Variants in NUP155 observed in about 807,000 individuals in gnomAD.
NUP155 encodes the protein nucleoporin 155.
NUP155 carries 71 observed loss-of-function variants against 180.4 expected under a neutral mutation model. The observed-to-expected ratio is 0.39, with a 90% confidence interval of 0.33 to 0.48. The LOEUF (loss-of-function observed/expected upper bound fraction) is 0.48, where lower values mean the gene tolerates loss of function less well. Among genes scored for constraint, NUP155 ranks in the 20% least tolerant of loss-of-function variants. The pLI, the probability that NUP155 is intolerant of heterozygous loss-of-function variation, is 0.91. For synonymous variants in NUP155, 582 were observed against 559.5 expected (o/e 1.04, Z -0.57); for missense variants, 1,553 against 1,648.9 (o/e 0.94, Z 1.01).
chr5:37,371,073 C>T lies in NUP155; in HGVS notation c.-96G>A. Reference sequence around the variant, plus strand: ...GTTAGCTTAGATCCGCCGCCTAGGGCGCGCGCGCCAAACGAGCGCCTTGGC... The same window carrying T: ...GTTAGCTTAGATCCGCCGCCTAGGGTGCGCGCGCCAAACGAGCGCCTTGGC... On this transcript the variant is annotated 5_prime_UTR_variant, in exon 1 of 35. Transcript: ENST00000231498. The T allele has an allele frequency of 7.3e-7, 1 of 1,366,930 alleles. No homozygotes were observed. The highest frequency in any genetic ancestry group is 2.3e-5 in the East Asian group (1 of 42,668). 84.7% of individuals were successfully genotyped at this position (1,366,930 alleles called of 1,614,324 possible).
intron 3 of NUP155, among the ~76,000 whole-genome samples, chr5:37,361,529 C>T (rs1747223799): frequency 6.6e-6 from 1 of 152,154 alleles, no homozygotes; most frequent in South Asian, 2.1e-4. Context: ...GATTCCCCAT[C>T]CTCTTACATC....
At chr5:37,366,530 C>T (rs1331279317) in intron 1 of NUP155, among the ~76,000 whole-genome samples, 2 of 152,202 alleles carry the variant, frequency 1.3e-5, no homozygotes, top group African/African-American at 4.8e-5. Context: ...CCTCCAATTC[C>T]CTGGTTCAAG....
At chr5:37,305,271 T>G in intron 25 of NUP155, 61 bp from the exon 26 acceptor site, 1 of 1,464,750 alleles carries the variant, frequency 6.8e-7, no homozygotes, top group Non-Finnish European at 9.5e-7. Flanking sequence ...TGATGGTAAG[T>G]GTGGTGACTC....
At chr5:37,323,166 T>C (rs1744359304) in intron 20 of NUP155, among the ~76,000 whole-genome samples, 1 of 150,508 alleles carries the variant, frequency 6.6e-6, no homozygotes, top group African/African-American at 2.5e-5. Context: ...ACATCTGTAA[T>C]CTAAGCTACT....
chr5:37,297,627 G>A (rs549212429), intron 32 of NUP155, among the ~76,000 whole-genome samples: 1 of 151,866 alleles, frequency 6.6e-6, no homozygotes, highest in African/African-American at 2.4e-5. Context: ...CGATCCATCC[G>A]CCTCGGCCTC....
intron 4 of NUP155, among the ~76,000 whole-genome samples, chr5:37,354,992 T>TGAGGCA (rs1336565692): frequency 6.6e-6 from 1 of 151,602 alleles, no homozygotes. Flanking sequence ...CTCGGGAGGC[T>TGAGGCA]GAGGCAGAAG....
chr5:37,361,818 T>G (rs759581595), intron 3 of NUP155, among the ~76,000 whole-genome samples: 2 of 152,218 alleles, frequency 1.3e-5, no homozygotes, highest in East Asian at 1.9e-4. Flanking sequence ...GGATCAAATA[T>G]CTGTGTCCTC....
In NUP155 at chr5:37,288,196, AAG is replaced by A. The variant is rs1742098566; in HGVS notation, c.*3702_*3703del. Reference sequence around the variant, plus strand: ...AAAGAAGACATTAATAGAAAATGAAAAGAAATTGTGAACCCTTTCAAAACCTT... The same window carrying A: ...AAAGAAGACATTAATAGAAAATGAAAAAATTGTGAACCCTTTCAAAACCTT... On this transcript the variant is annotated 3_prime_UTR_variant, in exon 35 of 35. Transcript: ENST00000231498. 6.6e-6 allele frequency: 1 copy of A among 152,228 alleles called. No individual in the cohort carries two copies. Among genetic ancestry groups the A allele is most frequent in the Admixed American group, 6.5e-5 (1 of 15,280 alleles). 9.4% of individuals were successfully genotyped at this position (152,228 alleles called of 1,614,324 possible).
At chr5:37,345,942 G>A (rs1581191907) in intron 9 of NUP155, among the ~76,000 whole-genome samples, 1 of 146,754 alleles carries the variant, frequency 6.8e-6, no homozygotes, top group Admixed American at 6.9e-5. Context: ...ATTAGTTTTT[G>A]TCACATTGTT....
chr5:37,314,233 G>A lies in NUP155; in HGVS notation c.2401C>T (p.His801Tyr), dbSNP rs1175471238. The change falls in exon 22 of 35, where the codon CAT (histidine) becomes TAT (tyrosine). Residue 801 changes from histidine to tyrosine, a missense_variant. Transcript: ENST00000231498. The part of the protein sequence containing the change: ...ALALWKLLCE[H>Y]QFTIIVAELQ... ...TCTGCCACAATGATAGTGAATTGAT[G>A]TTCACAAAGAAGTTTCCATAAAGCC... 2 of 1,609,794 alleles carry A rather than the reference G, an allele frequency of 1.2e-6. No homozygotes were observed. Among genetic ancestry groups the A allele is most frequent in the Non-Finnish European group, 1.7e-6 (2 of 1,176,708 alleles).
rs753537039 is a variant in NUP155 at position 37,364,374 on chromosome 5, G to A, written c.168C>T (p.Thr56=). The A allele has an allele frequency of 4.2e-5, 68 of 1,611,888 alleles. No individual in the cohort carries two copies. Among genetic ancestry groups the A allele is most frequent in the South Asian group, 3.5e-4 (32 of 91,050 alleles). The change falls in exon 2 of 35, where the codon ACC becomes ACT. Residue 56 remains threonine (T), a synonymous_variant. Transcript: ENST00000231498. ...LLMVSAPNNP[T]VSGMSDMDYP... ...AATCCATATCTGACATGCCAGAAAC[G>A]GTGGGATTATCTACAAAAAGAAAAT...
chr5:37,331,891 C>T, intron 13 of NUP155, 96 bp from the exon 14 acceptor site: 1 of 780,568 alleles, frequency 1.3e-6, no homozygotes, highest in African/African-American at 1.7e-5. Flanking sequence ...ATGAAACAAA[C>T]AAAAAAAACC....
At chr5:37,329,974 A>G in intron 15 of NUP155, 64 bp downstream of exon 15, 1 of 1,163,046 alleles carries the variant, frequency 8.6e-7, no homozygotes, top group Admixed American at 1.9e-5. Context: ...CACATTGATA[A>G]AATCATTTTA....
intron 16 of NUP155, 38 bp downstream of exon 16, chr5:37,329,152 C>G: frequency 6.7e-7 from 1 of 1,485,048 alleles, no homozygotes; most frequent in Non-Finnish European, 9.4e-7. Flanking sequence ...AAGATTCAAA[C>G]GATTAGAAAC....
chr5:37,330,213 G>A (rs1744869061), intron 14 of NUP155, 81 bp from the exon 15 acceptor site: 1 of 944,378 alleles, frequency 1.1e-6, no homozygotes, highest in Non-Finnish European at 1.7e-6. Context: ...CAGTATTAAA[G>A]TCTGTATCTA....
intron 32 of NUP155, among the ~76,000 whole-genome samples, chr5:37,297,627 G>T (rs549212429): frequency 2.4e-4 from 37 of 151,984 alleles, no homozygotes; most frequent in African/African-American, 8.9e-4. Flanking sequence ...CGATCCATCC[G>T]CCTCGGCCTC....
In NUP155 at chr5:37,341,124, CT is replaced by C; in HGVS notation, c.1211del (p.Lys404SerfsTer16). 1.9e-6 allele frequency: 3 copies of C among 1,613,858 alleles called. No individual in the cohort carries two copies. The highest frequency in any genetic ancestry group is 2.5e-6 in the Non-Finnish European group (3 of 1,179,794). The part of the protein sequence containing the change: ...PGFSASSTVE[K>X]PSKVHRALYS... ...AAAGAGCTCTATGTACTTTTGAAGG[CT>C]TTTCCACGGTTGAAGATGCTGAGAA... is the stretch of plus-strand genomic sequence containing the variant. On this transcript the variant is annotated frameshift_variant, in exon 11 of 35. Transcript: ENST00000231498. LOFTEE classifies it high-confidence loss of function.
chr5:37,295,958 G>A (rs1163756520), intron 32 of NUP155, among the ~76,000 whole-genome samples: 2 of 149,026 alleles, frequency 1.3e-5, no homozygotes, highest in Non-Finnish European at 3.0e-5. Flanking sequence ...ACTGGGAAGT[G>A]AGGAGCCCCT....
At chr5:37,306,164 A>C (rs1743141862) in intron 25 of NUP155, among the ~76,000 whole-genome samples, 3 of 151,940 alleles carry the variant, frequency 2.0e-5, no homozygotes, top group Non-Finnish European at 4.4e-5. Context: ...GCTGAGAAGA[A>C]AGGATTGCTT....
Sources: allele counts gnomAD v4.1 joint callset (sites outside exome capture counted in the v4.1 genomes callset), GRCh38; gene constraint gnomAD v4.1.1; transcripts MANE v1.5; gene names NCBI Gene and HGNC (gene_info 2026-07-23, HGNC 2026-07-21).